The following ALG14 variants were observed in gnomAD, a reference collection of about 807,000 sequenced individuals.
ALG14 encodes ALG14 UDP-N-acetylglucosaminyltransferase subunit.
A neutral mutation model predicts 22.8 loss-of-function variants in ALG14; 17 were observed. The observed-to-expected ratio is 0.75, with a 90% CI of 0.51 to 1.12. The LOEUF (loss-of-function observed/expected upper bound fraction) is 1.12, where lower values mean the gene tolerates loss of function less well. Ranked by LOEUF, ALG14 falls within the 50% of genes most tolerant of loss-of-function variation. The probability of loss-of-function intolerance (pLI) is 0.00; values close to 1 mark genes in which losing one functional copy is unlikely to be tolerated. For missense variants in ALG14, 288 were observed against 271.8 expected (o/e 1.06, Z -0.42); for synonymous variants, 89 against 103.7 (o/e 0.86, Z 0.86).
chr1:94,985,910 T>C (rs1672628772), intron 3 of ALG14, among the ~76,000 whole-genome samples: 2 of 150,890 alleles, frequency 1.3e-5, no homozygotes. Context: ...AAAAGCAAAC[T>C]AATCTCAAAG....
chr1:95,017,322 C>G (rs1673532084), intron 3 of ALG14, among the ~76,000 whole-genome samples: 1 of 151,948 alleles, frequency 6.6e-6, no homozygotes, highest in Non-Finnish European at 1.5e-5. Flanking sequence ...CAGTCAACTG[C>G]AGGAAAAGCC....
At position 95,068,734 on chromosome 1, in the gene ALG14, T is replaced by C. The variant is rs116181913; in HGVS notation, c.137-3717A>G. ...ATTACAAGTCTTCCTTTAATTGGCA[T>C]GGTTCTTTCAGGCCCTTGATACCTT... On this transcript the variant is annotated intron_variant, in intron 1 of 3. Coordinates refer to ENST00000370205, the MANE Select transcript of ALG14 (RefSeq NM_144988.4). Among the ~76,000 whole-genome samples the C allele has an allele frequency of 2.3e-3, 358 of 152,354 alleles. 1 individual carries two copies. The highest frequency in any genetic ancestry group is 8.0e-3 in the African/African-American group (333 of 41,592).
chr1:95,028,368 C>G (rs989609818), intron 2 of ALG14, among the ~76,000 whole-genome samples: 23 of 152,152 alleles, frequency 1.5e-4, no homozygotes, highest in African/African-American at 5.1e-4. Flanking sequence ...ACCATGTCCA[C>G]CTAATTTTTT....
intron 3 of ALG14, among the ~76,000 whole-genome samples, chr1:95,022,109 G>A (rs1303819341): frequency 6.6e-6 from 1 of 152,134 alleles, no homozygotes; most frequent in African/African-American, 2.4e-5. Context: ...TTTGCCAAGT[G>A]GAAAAAGCAT....
intron 2 of ALG14, among the ~76,000 whole-genome samples, chr1:95,043,786 A>AGGG (rs1557971298): frequency 2.0e-5 from 3 of 151,550 alleles, no homozygotes; most frequent in Non-Finnish European, 2.9e-5. Flanking sequence ...GGAGGGGGAG[A>AGGG]GAGGAGAGAG....
intron 3 of ALG14, among the ~76,000 whole-genome samples, chr1:95,012,455 T>G (rs946091332): frequency 2.0e-5 from 3 of 152,192 alleles, no homozygotes; most frequent in African/African-American, 7.2e-5. Flanking sequence ...TTCGTCTTAT[T>G]AGAGTGAGCT....
rs1331394230 is a variant in ALG14, at chr1:94,978,241, TTAG to T, written c.*4832_*4834del. The T allele has an allele frequency of 6.6e-6, 1 of 151,896 alleles. No homozygotes were observed. The highest frequency in any genetic ancestry group is 6.6e-5 in the Admixed American group (1 of 15,254). 9.4% of individuals were successfully genotyped at this position (151,896 alleles called of 1,614,324 possible). A position where few individuals can be genotyped will look rare whatever the true frequency, so the allele number is the denominator to read the frequency against. ...CCACGCCGGCAAATTTTTTGTATTT[TTAG>T]TAGAGATGGGGTTTCACCATCTTGG... On this transcript the variant is annotated 3_prime_UTR_variant, in exon 4 of 4. Transcript: ENST00000370205.
intron 3 of ALG14, among the ~76,000 whole-genome samples, chr1:94,987,767 G>T (rs1672679917): frequency 6.6e-6 from 1 of 152,144 alleles, no homozygotes; most frequent in Non-Finnish European, 1.5e-5. Flanking sequence ...GCCAAATATG[G>T]GCTAAGAACT....
intron 2 of ALG14, among the ~76,000 whole-genome samples, chr1:95,051,552 C>T (rs1175763511): frequency 6.6e-6 from 1 of 152,168 alleles, no homozygotes; most frequent in Non-Finnish European, 1.5e-5. Context: ...CAATGGCTCC[C>T]CATTTCACTC....
At chr1:95,044,355 C>G (rs545757901) in intron 2 of ALG14, among the ~76,000 whole-genome samples, 1 of 152,120 alleles carries the variant, frequency 6.6e-6, no homozygotes, top group Non-Finnish European at 1.5e-5. Flanking sequence ...TCCAACAGGT[C>G]TCTATTTTCC....
intron 3 of ALG14, among the ~76,000 whole-genome samples, chr1:95,007,987 T>G (rs1673263278): frequency 6.6e-6 from 1 of 152,232 alleles, no homozygotes; most frequent in South Asian, 2.1e-4. Context: ...GCCAAGCACA[T>G]GAGAGGTGCT....
chr1:95,072,854 C>CT lies in ALG14; in HGVS notation c.44_45insA (p.Val16GlyfsTer36), dbSNP rs1205540214. The CT allele has an allele frequency of 6.2e-7, 1 of 1,614,166 alleles. No individual in the cohort carries two copies. Among genetic ancestry groups the CT allele is most frequent in the South Asian group, 1.1e-5 (1 of 91,084 alleles). On this transcript the variant is annotated frameshift_variant, in exon 1 of 4. Coordinates refer to ENST00000370205, the MANE Select transcript of ALG14 (RefSeq NM_144988.4). LOFTEE classifies it high-confidence loss of function. ...CCCATATTCGCAGGATTAGGAAAAC[C>CT]GCCACAGCTCCTGCGGCCGCAGCTA...
rs373069354 is a variant in ALG14, at chr1:94,983,195, C to T, written c.532G>A (p.Val178Ile). 2.8e-5 allele frequency: 45 copies of T among 1,614,120 alleles called. No individual in the cohort carries two copies. In the African/African-American group the frequency reaches 4.4e-4, roughly 16 times the overall value. Reference sequence around the variant, plus strand: ...TTTCCGGACATGGATAACGTTTCTACACGGCAGATGCTTTCAACGTAGACA... The same window carrying T: ...TTTCCGGACATGGATAACGTTTCTATACGGCAGATGCTTTCAACGTAGACA... The part of the protein sequence containing the change: ...IIVYVESICR[V>I]ETLSMSGKIL... The change falls in exon 4 of 4, where the codon GTA (valine) becomes ATA (isoleucine). Residue 178 changes from valine to isoleucine, a missense_variant. Physicochemically the swap from Val to Ile is conservative, Grantham distance 29. Coordinates refer to ENST00000370205, the MANE Select transcript of ALG14 (RefSeq NM_144988.4).
At chr1:95,059,415 A>AC (rs1464274639) in intron 2 of ALG14, among the ~76,000 whole-genome samples, 1 of 146,070 alleles carries the variant, frequency 6.8e-6, no homozygotes, top group African/African-American at 2.5e-5. Flanking sequence ...AAAAAAAAAA[A>AC]AAAAACATAT....
At chr1:95,050,594 A>G (rs1159399791) in intron 2 of ALG14, among the ~76,000 whole-genome samples, 1 of 152,190 alleles carries the variant, frequency 6.6e-6, no homozygotes, top group East Asian at 1.9e-4. Context: ...GGAAGTCCCT[A>G]ATTGCCACAA....
intron 2 of ALG14, chr1:95,061,545 G>C (rs1675151890): frequency 6.6e-6 from 1 of 152,128 alleles, no homozygotes; most frequent in African/African-American, 2.4e-5. Context: ...GTGGGGTAGG[G>C]TTCTAGGAGT....
chr1:95,015,986 G>T (rs1004973955), intron 3 of ALG14, among the ~76,000 whole-genome samples: 8 of 152,126 alleles, frequency 5.3e-5, no homozygotes, highest in East Asian at 1.9e-4. Context: ...CTACCATGGG[G>T]GCTTCTTATG....
At chr1:95,054,534 C>A (rs1674867045) in intron 2 of ALG14, among the ~76,000 whole-genome samples, 3 of 152,144 alleles carry the variant, frequency 2.0e-5, no homozygotes, top group African/African-American at 7.2e-5. Context: ...TTGGGTATTT[C>A]TTTATAGCAA....
In ALG14 at chr1:94,979,176, C is replaced by G. The variant is rs138655638; in HGVS notation, c.*3900G>C. On this transcript the variant is annotated 3_prime_UTR_variant, in exon 4 of 4. Coordinates refer to ENST00000370205, the MANE Select transcript of ALG14 (RefSeq NM_144988.4). The stretch of plus-strand genomic sequence containing the variant: ...GTGCATGCCTGTAATCCCAGCTACT[C>G]GGGAGGCTGAGGCACAAGAATCGCT... 1 of 151,088 alleles carries G rather than the reference C, an allele frequency of 6.6e-6. No individual in the cohort carries two copies. Among genetic ancestry groups the G allele is most frequent in the African/African-American group, 2.4e-5 (1 of 41,098 alleles). 9.4% of individuals were successfully genotyped at this position (151,088 alleles called of 1,614,324 possible). A position where few individuals can be genotyped will look rare whatever the true frequency, so the allele number is the denominator to read the frequency against.
Sources: gnomAD v4.1 joint callset for allele counts (sites outside exome capture counted in the v4.1 genomes callset) on GRCh38, gnomAD v4.1.1 for gene constraint, MANE v1.5 for transcripts, NCBI Gene and HGNC (gene_info 2026-07-23, HGNC 2026-07-21) for gene names.